SLC9C1: variants seen among roughly 807,000 people sequenced by gnomAD.
The protein encoded by SLC9C1 is solute carrier family 9 member C1, also known as sodium/hydrogen exchanger 10.
Under a neutral mutation model 140.9 loss-of-function variants are expected in SLC9C1, and 97 were observed. The ratio of observed to expected loss-of-function variants is 0.69; its 90% CI spans 0.58 to 0.82. The LOEUF (loss-of-function observed/expected upper bound fraction) is 0.82, where lower values mean the gene tolerates loss of function less well. SLC9C1 is among the 40% of genes least tolerant of loss of function. The pLI is 0.00. For synonymous variants in SLC9C1, 440 were observed against 442.6 expected (o/e 0.99, Z 0.07); for missense variants, 1,340 against 1,389.3 (o/e 0.96, Z 0.56).
intron 18 of SLC9C1, 38 bp from the exon 19 acceptor site, chr3:112,200,800 C>CA: frequency 2.6e-6 from 4 of 1,552,088 alleles, no homozygotes; most frequent in Non-Finnish European, 2.6e-6. Flanking sequence ...ATTGGAAAAA[C>CA]AGACTGTTAT....
At chr3:112,156,328 A>G (rs868168151) in intron 26 of SLC9C1, among the ~76,000 whole-genome samples, 2 of 152,028 alleles carry the variant, frequency 1.3e-5, no homozygotes, top group Admixed American at 6.6e-5. Flanking sequence ...CAAATGAGAG[A>G]ATTTTATTGT....
intron 11 of SLC9C1, 90 bp downstream of exon 11, chr3:112,243,905 T>C: frequency 1.1e-6 from 1 of 908,830 alleles, no homozygotes; most frequent in South Asian, 2.2e-5. Context: ...TTGCCTAGGC[T>C]GTATATGGAT....
At chr3:112,226,150 A>T (rs1006444345) in intron 13 of SLC9C1, among the ~76,000 whole-genome samples, 2 of 152,110 alleles carry the variant, frequency 1.3e-5, no homozygotes, top group Non-Finnish European at 2.9e-5. Context: ...GCCACAAAAC[A>T]AGCCCCCCAA....
At chr3:112,180,717 G>T in intron 21 of SLC9C1, 55 bp from the exon 22 acceptor site, 2 of 1,436,860 alleles carry the variant, frequency 1.4e-6, no homozygotes, top group South Asian at 1.2e-5. Context: ...AAGTGGTTGG[G>T]AATGTTAAAA....
intron 2 of SLC9C1, 104 bp downstream of exon 2, chr3:112,286,599 GA>G: frequency 1.0e-6 from 1 of 957,006 alleles, no homozygotes; most frequent in Non-Finnish European, 1.5e-6. Flanking sequence ...ATAAGTTTGA[GA>G]ACAAAATTAT....
At chr3:112,205,629 AG>A (rs1375618238) in intron 16 of SLC9C1, among the ~76,000 whole-genome samples, 12 of 51,496 alleles carry the variant, frequency 2.3e-4, no homozygotes, top group East Asian at 9.6e-3. Context: ...AGCTGGAAAC[AG>A]CATGGTACTG....
At chr3:112,281,104 C>CT (rs1452581665) in intron 2 of SLC9C1, among the ~76,000 whole-genome samples, 1 of 152,152 alleles carries the variant, frequency 6.6e-6, no homozygotes, top group Admixed American at 6.5e-5. Flanking sequence ...AGATTAGTTT[C>CT]TTTAGCAATC....
intron 16 of SLC9C1, among the ~76,000 whole-genome samples, chr3:112,205,220 C>CA (rs558334648): frequency 2.1e-3 from 325 of 152,150 alleles, no homozygotes; most frequent in Non-Finnish European, 3.5e-3. Flanking sequence ...GATACAAAAT[C>CA]AATGTACAAA....
intron 10 of SLC9C1, among the ~76,000 whole-genome samples, chr3:112,255,186 A>G (rs1227491350): frequency 6.6e-6 from 1 of 152,144 alleles, no homozygotes; most frequent in Admixed American, 6.6e-5. Flanking sequence ...TAAGGCAGAA[A>G]ATGAACAAAG....
Position 112,197,953 on chromosome 3 carries a change from T to G in SLC9C1, c.2523+1368A>C, listed in dbSNP as rs550326701. Among the ~76,000 whole-genome samples the G allele has an allele frequency of 1.4e-4, 21 of 152,240 alleles. No homozygotes were observed. In the South Asian group the frequency reaches 4.1e-3, roughly 30 times the overall value. On this transcript the variant is annotated intron_variant, in intron 20 of 28. Transcript: ENST00000305815. Reference sequence around the variant, plus strand: ...TAACACCTGCTTTTGTAAACAGTATTTTTTTGGGGTAGGGAACACAACCCT... The same window carrying G: ...TAACACCTGCTTTTGTAAACAGTATGTTTTTGGGGTAGGGAACACAACCCT...
At chr3:112,287,738 G>A (rs1335616440) in intron 1 of SLC9C1, among the ~76,000 whole-genome samples, 1 of 152,030 alleles carries the variant, frequency 6.6e-6, no homozygotes, top group East Asian at 1.9e-4. Flanking sequence ...ATCTCATATG[G>A]CTGCCTTACT....
chr3:112,167,028 G>A (rs1273605320), intron 26 of SLC9C1, among the ~76,000 whole-genome samples, 193 bp downstream of exon 26: 1 of 152,034 alleles, frequency 6.6e-6, no homozygotes, highest in East Asian at 1.9e-4. Flanking sequence ...TCTTATGGAT[G>A]AAATATATAA....
intron 28 of SLC9C1, among the ~76,000 whole-genome samples, chr3:112,150,173 C>T (rs942573737): frequency 6.6e-6 from 1 of 152,134 alleles, no homozygotes; most frequent in Admixed American, 6.5e-5. Context: ...CAATCTCTGG[C>T]CTGAGACTAA....
rs150088955 is a variant in SLC9C1 at position 112,253,179 on chromosome 3, C to T, written c.1198-9103G>A. ...ATTGCACTGAATGATTACTCACCTGCATCTCTCTGGGGTAGAACCCCCAGC... is the reference window on the plus strand; with the variant it reads ...ATTGCACTGAATGATTACTCACCTGTATCTCTCTGGGGTAGAACCCCCAGC... On this transcript the variant is annotated intron_variant, in intron 10 of 28. Transcript: ENST00000305815. Among the ~76,000 whole-genome samples the T allele has an allele frequency of 5.3e-5, 8 of 152,294 alleles. No individual in the cohort carries two copies. In the East Asian group the frequency reaches 1.5e-3, roughly 29 times the overall value.
chr3:112,162,453 C>T (rs1486635888), intron 26 of SLC9C1, among the ~76,000 whole-genome samples: 1 of 151,996 alleles, frequency 6.6e-6, no homozygotes, highest in South Asian at 2.1e-4. Context: ...CCATCAATAC[C>T]GAATTTATTG....
At chr3:112,259,503 T>C (rs1442618621) in intron 10 of SLC9C1, among the ~76,000 whole-genome samples, 1 of 151,350 alleles carries the variant, frequency 6.6e-6, no homozygotes, top group Non-Finnish European at 1.5e-5. Context: ...GAGATCATTA[T>C]CTTAAGTGAA....
intron 20 of SLC9C1, among the ~76,000 whole-genome samples, chr3:112,190,158 A>G (rs2077626751): frequency 2.0e-5 from 3 of 152,192 alleles, no homozygotes. Context: ...TTTTCTAGAT[A>G]TACAATCATG....
intron 20 of SLC9C1, among the ~76,000 whole-genome samples, chr3:112,192,589 T>C (rs917817069): frequency 3.9e-5 from 6 of 152,194 alleles, no homozygotes; most frequent in Admixed American, 3.9e-4. Flanking sequence ...GCCTGAGTTA[T>C]TTCAGAAGAC....
intron 15 of SLC9C1, among the ~76,000 whole-genome samples, chr3:112,216,991 A>T (rs191766459): frequency 6.6e-6 from 1 of 152,140 alleles, no homozygotes; most frequent in Non-Finnish European, 1.5e-5. Flanking sequence ...TTAAGAAAAT[A>T]TGTCACATAT....
Sources: gnomAD v4.1 joint callset for allele counts (sites outside exome capture counted in the v4.1 genomes callset) on GRCh38, gnomAD v4.1.1 for gene constraint, MANE v1.5 for transcripts, NCBI Gene and HGNC (gene_info 2026-07-23, HGNC 2026-07-21) for gene names.